The following ASXL1 variants were observed in gnomAD, a reference collection of about 807,000 sequenced individuals.
ASXL1 encodes polycomb group protein ASXL1.
In ASXL1, 65 loss-of-function variants were observed where a neutral mutation model predicts 89.1. That is an observed-to-expected ratio of 0.73 (90% CI 0.60 to 0.90). The LOEUF is 0.90. Ranked by LOEUF, ASXL1 falls within the 40% of genes least tolerant of loss-of-function variation. ASXL1 has a pLI of 0.00. For missense variants in ASXL1, 1,786 were observed against 1,942.9 expected (o/e 0.92, Z 1.52); for synonymous variants, 739 against 746.9 (o/e 0.99, Z 0.17).
At chr20:32,375,815 G>A (rs2048368593) in intron 4 of ASXL1, among the ~76,000 whole-genome samples, 1 of 151,914 alleles carries the variant, frequency 6.6e-6, no homozygotes, top group African/African-American at 2.4e-5. Flanking sequence ...CTAAATAACT[G>A]GAATTAGAGG....
chr20:32,436,495 G>C lies in ASXL1; in HGVS notation c.3783G>C (p.Lys1261Asn). The C allele has an allele frequency of 6.2e-7, 1 of 1,614,180 alleles. No homozygotes were observed. The change falls in exon 13 of 13, where the codon AAG becomes AAC. Residue 1261 changes from lysine (K) to asparagine (N), a missense_variant. Physicochemically the swap from Lys to Asn is moderately conservative, Grantham distance 94. Transcript: ENST00000375687. ...GTAATTCAAATGCTGCTCCAGGAAA[G>C]AGCCCAGGAGATCTTACTACCTCGA... is the stretch of plus-strand genomic sequence containing the variant. Reference protein sequence around the residue: ...QDSNSNAAPGKSPGDLTTSRT... With the variant: ...QDSNSNAAPGNSPGDLTTSRT...
chr20:32,394,641 C>T (rs2048730848), intron 4 of ASXL1, among the ~76,000 whole-genome samples: 1 of 152,210 alleles, frequency 6.6e-6, no homozygotes, highest in Non-Finnish European at 1.5e-5. Context: ...GTTTGTCATA[C>T]ACTTCACTTT....
chr20:32,420,493 A>AT (rs199926019), intron 4 of ASXL1, among the ~76,000 whole-genome samples: 22 of 151,894 alleles, frequency 1.4e-4, no homozygotes, highest in South Asian at 6.2e-4. Flanking sequence ...CAGATGGTTT[A>AT]TTTTTTTTCA....
chr20:32,408,069 C>T (rs574878663), intron 4 of ASXL1, among the ~76,000 whole-genome samples: 1 of 152,234 alleles, frequency 6.6e-6, no homozygotes, highest in African/African-American at 2.4e-5. Context: ...TCCTGAGTAG[C>T]TGGGATTATA....
chr20:32,383,522 TG>T (rs1452284391), intron 4 of ASXL1, among the ~76,000 whole-genome samples: 1 of 152,118 alleles, frequency 6.6e-6, no homozygotes, highest in African/African-American at 2.4e-5. Flanking sequence ...TTTGCCAGGA[TG>T]GTCTCCATCT....
chr20:32,435,488 G>C lies in ASXL1; in HGVS notation c.2776G>C (p.Val926Leu), dbSNP rs150338765. ...REHIPSVEPQ[V>L]GEEWEKAAPT... ...ACACATACCATCTGTTGAGCCCCAG[G>C]TTGGAGAGGAGTGGGAGAAAGCTGC... Residue 926 changes from valine (V) to leucine (L), a missense_variant, in exon 13 of 13, where the codon GTT (valine) becomes CTT (leucine). Coordinates refer to ENST00000375687, the MANE Select transcript of ASXL1 (RefSeq NM_015338.6). The C allele has an allele frequency of 6.2e-7, 1 of 1,613,938 alleles. No homozygotes were observed. Among genetic ancestry groups the C allele is most frequent in the Non-Finnish European group, 8.5e-7 (1 of 1,180,036 alleles).
chr20:32,386,714 G>A (rs1012578824), intron 4 of ASXL1, among the ~76,000 whole-genome samples: 1 of 151,700 alleles, frequency 6.6e-6, no homozygotes, highest in South Asian at 2.1e-4. Flanking sequence ...CACCGTGCCC[G>A]GCCCATTGTT....
intron 4 of ASXL1, among the ~76,000 whole-genome samples, chr20:32,397,841 A>T (rs2048797210): frequency 6.6e-6 from 1 of 152,226 alleles, no homozygotes; most frequent in African/African-American, 2.4e-5. Flanking sequence ...CTGGGACATA[A>T]GTTTAAAAGT....
chr20:32,367,151 G>A (rs1183727577), intron 2 of ASXL1, among the ~76,000 whole-genome samples: 7 of 151,676 alleles, frequency 4.6e-5, no homozygotes, highest in African/African-American at 1.5e-4. Context: ...GCCAAGGCAG[G>A]CAGATCACTT....
intron 2 of ASXL1, among the ~76,000 whole-genome samples, chr20:32,366,754 C>T (rs1289118245): frequency 6.6e-6 from 1 of 152,116 alleles, no homozygotes; most frequent in Admixed American, 6.5e-5. Flanking sequence ...GGCACATTTT[C>T]TCTTGTGCTG....
intron 3 of ASXL1, among the ~76,000 whole-genome samples, chr20:32,368,519 T>TA (rs2048242562): frequency 6.6e-6 from 1 of 152,222 alleles, no homozygotes; most frequent in African/African-American, 2.4e-5. Flanking sequence ...TTTGTGTACT[T>TA]ACTAGAAAAT....
In ASXL1 at chr20:32,434,519, T is replaced by TA; in HGVS notation, c.1807_1808insA (p.Ser603TyrfsTer16). Reference sequence around the variant, plus strand: ...CCCCCGGATCATCCCCACCACGGAGTCCTCCTGCCGGGGTTGGACTGGCGC... The same window carrying TA: ...CCCCCGGATCATCCCCACCACGGAGTACCTCCTGCCGGGGTTGGACTGGCGC... On this transcript the variant is annotated frameshift_variant, in exon 13 of 13. Transcript: ENST00000375687. LOFTEE classifies it low-confidence loss of function (END_TRUNC). 6.2e-7 allele frequency: 1 copy of TA among 1,613,596 alleles called. No individual in the cohort carries two copies. Among genetic ancestry groups the TA allele is most frequent in the Non-Finnish European group, 8.5e-7 (1 of 1,179,920 alleles).
At chr20:32,372,314 A>C in intron 4 of ASXL1, 1 of 1,201,426 alleles carries the variant, frequency 8.3e-7, no homozygotes, top group Non-Finnish European at 1.1e-6. Flanking sequence ...TCAGTACCTC[A>C]TCTTAACTGC....
At chr20:32,374,633 T>A (rs2048348596) in intron 4 of ASXL1, among the ~76,000 whole-genome samples, 1 of 151,976 alleles carries the variant, frequency 6.6e-6, no homozygotes. Context: ...AATTCCAGAT[T>A]TCCAGCCATG....
intron 11 of ASXL1, 94 bp from the exon 12 acceptor site, chr20:32,433,190 T>C: frequency 6.4e-7 from 1 of 1,570,608 alleles, no homozygotes; most frequent in East Asian, 2.3e-5. Context: ...TATTTTGTTC[T>C]GAGATATCTG....
At chr20:32,426,172 C>G (rs527772787) in intron 4 of ASXL1, among the ~76,000 whole-genome samples, 1 of 152,062 alleles carries the variant, frequency 6.6e-6, no homozygotes, top group South Asian at 2.1e-4. Flanking sequence ...TTTTTCATGT[C>G]CTGTGTAAAT....
At chr20:32,409,961 T>C (rs2049016678) in intron 4 of ASXL1, among the ~76,000 whole-genome samples, 1 of 152,188 alleles carries the variant, frequency 6.6e-6, no homozygotes, top group Non-Finnish European at 1.5e-5. Context: ...TTTGTATTAA[T>C]AGTAAGTTCT....
chr20:32,358,753 T>G lies in ASXL1; in HGVS notation c.-23T>G. The G allele has an allele frequency of 1.7e-6, 2 of 1,200,582 alleles. No homozygotes were observed. The highest frequency in any genetic ancestry group is 2.3e-6 in the Non-Finnish European group (2 of 888,478). 74.4% of individuals were successfully genotyped at this position (1,200,582 alleles called of 1,614,324 possible). A position where few individuals can be genotyped will look rare whatever the true frequency, so the allele number is the denominator to read the frequency against. On this transcript the variant is annotated 5_prime_UTR_variant, in exon 1 of 13. Coordinates refer to ENST00000375687, the MANE Select transcript of ASXL1 (RefSeq NM_015338.6). ...CCAGCCCGGAGGTCCCGCGTGGAGC[T>G]GCCGCCGCCGCCGGGGAGAAGGATG...
In ASXL1 at chr20:32,428,421, A is replaced by T. The variant is rs867244048; in HGVS notation, c.470A>T (p.Gln157Leu). The T allele has an allele frequency of 6.2e-7, 1 of 1,609,140 alleles. No individual in the cohort carries two copies. Among genetic ancestry groups the T allele is most frequent in the Non-Finnish European group, 8.5e-7 (1 of 1,175,688 alleles). ...NPRDSYRASS[Q>L]ANKQKKKTGV... ...AGGGACAGCTACAGAGCTTCCTCAC[A>T]GGTAAGGAAGAGGTAGAGCCTAGCC... The change falls in exon 6 of 13, where the codon CAG becomes CTG. Residue 157 changes from glutamine to leucine, a missense_variant and splice_region_variant. Coordinates refer to ENST00000375687, the MANE Select transcript of ASXL1 (RefSeq NM_015338.6).
Sources: allele counts gnomAD v4.1 joint callset (sites outside exome capture counted in the v4.1 genomes callset), GRCh38; gene constraint gnomAD v4.1.1; transcripts MANE v1.5; gene names NCBI Gene and HGNC (gene_info 2026-07-23, HGNC 2026-07-21).